The following COL6A6 variants were observed in gnomAD, a reference collection of about 807,000 sequenced individuals.
The protein encoded by COL6A6 is collagen type VI alpha 6 chain, also known as collagen alpha-6(VI) chain.
COL6A6 carries 183 observed loss-of-function variants against 208.6 expected under a neutral mutation model. The observed-to-expected ratio is 0.88, with a 90% CI of 0.78 to 0.99. COL6A6 has a LOEUF of 0.99. Among genes scored for constraint, COL6A6 ranks in the 50% least tolerant of loss-of-function variants. The pLI, the probability that COL6A6 is intolerant of heterozygous loss-of-function variation, is 0.00. For missense variants in COL6A6, 2,816 were observed against 2,815.2 expected, an observed-to-expected ratio of 1.00 and a Z score of -0.01; for synonymous variants, 973 against 1,011.8, an observed-to-expected ratio of 0.96 and a Z score of 0.73.
chr3:130,577,107 T>C (rs1312892201), intron 8 of COL6A6, among the ~76,000 whole-genome samples: 4 of 152,208 alleles, frequency 2.6e-5, no homozygotes, highest in Non-Finnish European at 5.9e-5. Flanking sequence ...TTTTTGAGCA[T>C]CTACGAAGGG....
chr3:130,623,452 C>T (rs2064796159), intron 24 of COL6A6, among the ~76,000 whole-genome samples: 1 of 152,114 alleles, frequency 6.6e-6, no homozygotes, highest in African/African-American at 2.4e-5. Context: ...GAGTAAGACT[C>T]CATCTCAAAT....
chr3:130,529,529 A>T (rs2062035306), intron 1 of COL6A6, among the ~76,000 whole-genome samples: 2 of 152,148 alleles, frequency 1.3e-5, no homozygotes, highest in East Asian at 1.9e-4. Flanking sequence ...GAACTGCTTA[A>T]GCTCTTCTGT....
chr3:130,667,281 G>C (rs967978797), intron 36 of COL6A6, among the ~76,000 whole-genome samples: 1 of 152,242 alleles, frequency 6.6e-6, no homozygotes, highest in South Asian at 2.1e-4. Flanking sequence ...CTGTCGCCCA[G>C]GCTGGCGTGC....
At chr3:130,655,219 G>A (rs1223147601) in intron 33 of COL6A6, among the ~76,000 whole-genome samples, 2 of 152,086 alleles carry the variant, frequency 1.3e-5, no homozygotes. Flanking sequence ...TTTTGTTTGG[G>A]TTAAATCTTT....
In COL6A6 at chr3:130,654,040, T is replaced by C. The variant is rs376524439; in HGVS notation, c.5733+4478T>C. On this transcript the variant is annotated intron_variant, in intron 33 of 36. Transcript: ENST00000358511. ...ATGTAGAACATGTAGAATAGAAGAC[T>C]AATTAGCAAATGGCAGCAATGTTTG... Among the ~76,000 whole-genome samples, 10 of 152,324 alleles carry C rather than the reference T, an allele frequency of 6.6e-5. No individual in the cohort carries two copies. In the East Asian group the frequency reaches 1.9e-3, roughly 29 times the overall value.
chr3:130,661,681 C>T lies in COL6A6; in HGVS notation c.5875C>T (p.Pro1959Ser). The T allele has an allele frequency of 1.9e-6, 3 of 1,613,884 alleles. No individual in the cohort carries two copies. Among genetic ancestry groups the T allele is most frequent in the Non-Finnish European group, 2.5e-6 (3 of 1,179,832 alleles). ...TTCTTGTGACCAAGCCAGACCACCC[C>T]CTGTGCAGTCTTACATGGATGCTGC... Reference protein sequence around the residue: ...DASCDQARPPPVQSYMDAAFL... With the variant: ...DASCDQARPPSVQSYMDAAFL... Residue 1959 changes from proline to serine, a missense_variant, in exon 35 of 37, where the codon CCT (proline) becomes TCT (serine). Coordinates refer to ENST00000358511, the MANE Select transcript of COL6A6 (RefSeq NM_001102608.3).
intron 1 of COL6A6, among the ~76,000 whole-genome samples, chr3:130,538,994 T>G (rs965116079): frequency 3.9e-5 from 6 of 152,214 alleles, no homozygotes; most frequent in Admixed American, 3.3e-4. Context: ...GAAGTAGGTC[T>G]GTAAACACAT....
chr3:130,626,594 G>C (rs1298303168), intron 25 of COL6A6, 47 bp downstream of exon 25: 1 of 1,316,490 alleles, frequency 7.6e-7, no homozygotes, highest in African/African-American at 1.4e-5. Context: ...GAATCTTTTA[G>C]TTCAGTAGAC....
chr3:130,582,138 T>C, intron 10 of COL6A6, 70 bp downstream of exon 10: 1 of 994,756 alleles, frequency 1.0e-6, no homozygotes, highest in South Asian at 1.6e-5. Context: ...ATTCTGGCTC[T>C]TAAATTTCCA....
chr3:130,558,276 C>G (rs757483494), intron 1 of COL6A6, among the ~76,000 whole-genome samples: 1 of 152,140 alleles, frequency 6.6e-6, no homozygotes, highest in Non-Finnish European at 1.5e-5. Flanking sequence ...CCCTACCTCC[C>G]GAGCATGACC....
At chr3:130,574,735 T>G (rs2063254134) in intron 8 of COL6A6, among the ~76,000 whole-genome samples, 1 of 152,228 alleles carries the variant, frequency 6.6e-6, no homozygotes, top group Non-Finnish European at 1.5e-5. Context: ...TTTTTCTCCC[T>G]GTCTCCTGGG....
intron 15 of COL6A6, 103 bp downstream of exon 15, chr3:130,592,825 G>T: frequency 8.5e-7 from 1 of 1,172,140 alleles, no homozygotes; most frequent in South Asian, 1.5e-5. Context: ...AGTTGTCATT[G>T]ACTTTCCTTT....
intron 36 of COL6A6, among the ~76,000 whole-genome samples, chr3:130,673,508 G>C (rs1017605157): frequency 6.6e-6 from 1 of 152,098 alleles, no homozygotes; most frequent in Non-Finnish European, 1.5e-5. Flanking sequence ...CAGCGTGAAG[G>C]GGCTAGGGAA....
intron 1 of COL6A6, among the ~76,000 whole-genome samples, chr3:130,518,300 A>G (rs534907395): frequency 1.1e-4 from 16 of 152,334 alleles, no homozygotes; most frequent in South Asian, 8.3e-4. Context: ...AGAATTCTAT[A>G]GTTACAGAAT....
chr3:130,643,157 C>T (rs1214977705), intron 31 of COL6A6, 134 bp downstream of exon 31: 1 of 908,714 alleles, frequency 1.1e-6, no homozygotes, highest in African/African-American at 1.7e-5. Context: ...ATTTTTGAGT[C>T]AGCATAGACT....
intron 36 of COL6A6, among the ~76,000 whole-genome samples, chr3:130,671,085 G>A (rs1322037286): frequency 6.6e-6 from 1 of 152,148 alleles, no homozygotes; most frequent in Non-Finnish European, 1.5e-5. Flanking sequence ...CAAGTAAAGG[G>A]GATGGGGAAA....
At chr3:130,535,363 C>G (rs1508517) in intron 1 of COL6A6, among the ~76,000 whole-genome samples, 106,196 of 152,068 alleles carry the variant, frequency 0.7, 41,052 homozygotes, top group Non-Finnish European at 0.87. Context: ...TCATTTTATA[C>G]TTTTTTGTGC....
Position 130,568,555 on chromosome 3 carries a change from G to A in COL6A6, c.2352G>A (p.Leu784=). The A allele has an allele frequency of 6.2e-7, 1 of 1,608,382 alleles. No individual in the cohort carries two copies. The highest frequency in any genetic ancestry group is 8.5e-7 in the Non-Finnish European group (1 of 1,179,798). ...MVFYVENFDI[L]QRIEDDLVFG... ...TTTATGTTGAGAATTTTGACATTCT[G>A]CAGCGCATTGAAGATGATCTTGTTT... Residue 784 remains leucine, a synonymous_variant, in exon 6 of 37, where the codon CTG becomes CTA. Coordinates refer to ENST00000358511, the MANE Select transcript of COL6A6 (RefSeq NM_001102608.3).
intron 34 of COL6A6, among the ~76,000 whole-genome samples, chr3:130,660,444 T>C (rs1316530578): frequency 6.6e-6 from 1 of 152,244 alleles, no homozygotes; most frequent in Non-Finnish European, 1.5e-5. Context: ...GTTATTAATC[T>C]TTCATCTAAG....
Sources: allele counts gnomAD v4.1 joint callset (sites outside exome capture counted in the v4.1 genomes callset), GRCh38; gene constraint gnomAD v4.1.1; transcripts MANE v1.5; gene names NCBI Gene and HGNC (gene_info 2026-07-23, HGNC 2026-07-21).